COG6: variants seen among roughly 807,000 people sequenced by gnomAD.
COG6 encodes the protein component of oligomeric golgi complex 6.
In COG6, 74 loss-of-function variants were observed where a neutral mutation model predicts 88.8. The observed-to-expected ratio is 0.83, with a 90% confidence interval of 0.69 to 1.01. The LOEUF (loss-of-function observed/expected upper bound fraction) is 1.01. Among genes scored for constraint, COG6 ranks in the 50% least tolerant of loss-of-function variants. The pLI, the probability that COG6 is intolerant of heterozygous loss-of-function variation, is 0.00. For synonymous variants in COG6, 286 were observed against 278.7 expected (o/e 1.03, Z -0.26); for missense variants, 800 against 797.9 (o/e 1.00, Z -0.03).
chr13:39,752,076 T>C lies in COG6; in HGVS notation c.*983T>C. Reference sequence around the variant, plus strand: ...ACTCTGACTTTAGACCATTACCTATTAGGAAGATTAAAAATGACTGTATTT... The same window carrying C: ...ACTCTGACTTTAGACCATTACCTATCAGGAAGATTAAAAATGACTGTATTT... On this transcript the variant is annotated 3_prime_UTR_variant, in exon 19 of 19. Transcript: ENST00000455146. The C allele has an allele frequency of 7.8e-7, 1 of 1,285,778 alleles. No individual in the cohort carries two copies. Among genetic ancestry groups the C allele is most frequent in the Non-Finnish European group, 1.0e-6 (1 of 987,554 alleles). The allele number at this position is 1,285,778 out of a possible 1,614,324, so 79.6% of individuals were successfully genotyped here.
At chr13:39,656,288 G>T in intron 1 of COG6, 1 of 437,610 alleles carries the variant, frequency 2.3e-6, no homozygotes, top group Non-Finnish European at 4.6e-6. Flanking sequence ...AGCGCAAATG[G>T]GGGTCGGGAG....
chr13:39,715,271 C>G (rs202230580), intron 13 of COG6, among the ~76,000 whole-genome samples: 702 of 49,674 alleles, frequency 0.014, 6 homozygotes, highest in African/African-American at 0.042. Flanking sequence ...CTCTCTCTCT[C>G]TATACACACA....
chr13:39,768,463 C>T (rs1166400432), intron 18 of COG6, among the ~76,000 whole-genome samples: 2 of 152,202 alleles, frequency 1.3e-5, no homozygotes, highest in African/African-American at 4.8e-5. Flanking sequence ...TTTGCTGTAC[C>T]AGCAGGATTG....
chr13:39,741,334 C>T (rs1368173862), intron 18 of COG6, among the ~76,000 whole-genome samples: 1 of 152,162 alleles, frequency 6.6e-6, no homozygotes, highest in Non-Finnish European at 1.5e-5. Context: ...TGTTCGAACC[C>T]ATTGCAAGGA....
intron 13 of COG6, among the ~76,000 whole-genome samples, chr13:39,719,000 T>G (rs771864576): frequency 3.3e-5 from 5 of 152,132 alleles, no homozygotes; most frequent in Non-Finnish European, 7.4e-5. Flanking sequence ...TTCAAATTAA[T>G]TTTTTGAATT....
chr13:39,748,749 T>C (rs1337840879), intron 18 of COG6, among the ~76,000 whole-genome samples: 1 of 152,164 alleles, frequency 6.6e-6, no homozygotes, highest in Non-Finnish European at 1.5e-5. Context: ...CTCAGAAAAT[T>C]TACTCAGCAT....
intron 18 of COG6, among the ~76,000 whole-genome samples, chr13:39,772,646 C>T (rs1881353357): frequency 6.6e-6 from 1 of 152,232 alleles, no homozygotes; most frequent in Non-Finnish European, 1.5e-5. Context: ...CATCTGTTTC[C>T]TGGCCTAGGG....
intron 13 of COG6, among the ~76,000 whole-genome samples, chr13:39,706,780 T>TTCAAGCGATTCTCCTGCC (rs1877954168): frequency 6.6e-6 from 1 of 151,998 alleles, no homozygotes. Flanking sequence ...TCCTCCTGGG[T>TTCAAGCGATTCTCCTGCC]TCAAGCGATT....
At chr13:39,744,827 C>T (rs2138134392) in intron 18 of COG6, among the ~76,000 whole-genome samples, 1 of 152,290 alleles carries the variant, frequency 6.6e-6, no homozygotes, top group East Asian at 1.9e-4. Context: ...AAGCTGGAGG[C>T]ATCACGCTAC....
intron 1 of COG6, among the ~76,000 whole-genome samples, chr13:39,658,148 T>TC (rs1239676110): frequency 2.0e-5 from 3 of 147,076 alleles, no homozygotes; most frequent in African/African-American, 7.5e-5. Context: ...TGGAATATCT[T>TC]TTTTTTTTTT....
intron 13 of COG6, among the ~76,000 whole-genome samples, chr13:39,706,566 A>G (rs1188592152): frequency 3.3e-5 from 5 of 152,076 alleles, no homozygotes; most frequent in African/African-American, 1.2e-4. Flanking sequence ...TAAAAAGTAA[A>G]TAGTCACAAG....
At chr13:39,745,383 A>G (rs1415772086) in intron 18 of COG6, among the ~76,000 whole-genome samples, 1 of 152,204 alleles carries the variant, frequency 6.6e-6, no homozygotes, top group Non-Finnish European at 1.5e-5. Flanking sequence ...AAGAACTTAA[A>G]CAAATTTACA....
chr13:39,752,949 A>C (rs909774840), downstream of COG6, among the ~76,000 whole-genome samples: 1 of 152,194 alleles, frequency 6.6e-6, no homozygotes. Context: ...TGAATGGCAA[A>C]ACCCTTATGT....
intron 10 of COG6, among the ~76,000 whole-genome samples, chr13:39,688,030 A>G (rs1237953562): frequency 1.3e-5 from 2 of 152,108 alleles, no homozygotes; most frequent in African/African-American, 4.8e-5. Flanking sequence ...AAACCTAGTG[A>G]CCTTTCATAT....
intron 4 of COG6, among the ~76,000 whole-genome samples, chr13:39,671,959 C>T (rs1875670502): frequency 6.6e-6 from 1 of 151,990 alleles, no homozygotes. Context: ...ACTATTTTAA[C>T]TGGATAGCAA....
intron 18 of COG6, among the ~76,000 whole-genome samples, chr13:39,784,981 A>G (rs1005938485): frequency 1.3e-5 from 2 of 152,196 alleles, no homozygotes; most frequent in South Asian, 2.1e-4. Flanking sequence ...ATGAACTGCC[A>G]GGGACTAGGC....
At chr13:39,724,382 G>C (rs919015450) in intron 16 of COG6, 126 bp from the exon 17 acceptor site, 2 of 696,104 alleles carry the variant, frequency 2.9e-6, no homozygotes, top group African/African-American at 3.6e-5. Flanking sequence ...GAGTTCTTTG[G>C]AAATAAGCTA....
chr13:39,694,763 G>A, intron 12 of COG6, 38 bp downstream of exon 12: 2 of 1,110,480 alleles, frequency 1.8e-6, no homozygotes, highest in Middle Eastern at 2.0e-4. Flanking sequence ...TAAATCCAAT[G>A]TGATATTTCT....
chr13:39,742,280 A>G (rs896564076), intron 18 of COG6, among the ~76,000 whole-genome samples: 5 of 152,232 alleles, frequency 3.3e-5, no homozygotes, highest in Non-Finnish European at 1.5e-5. Flanking sequence ...AAATGGGCTA[A>G]ATGCCCCAAT....
Sources: gnomAD v4.1 joint callset for allele counts (sites outside exome capture counted in the v4.1 genomes callset) on GRCh38, gnomAD v4.1.1 for gene constraint, MANE v1.5 for transcripts, NCBI Gene and HGNC (gene_info 2026-07-23, HGNC 2026-07-21) for gene names.